The following SLC2A13 variants were observed in gnomAD, a reference collection of about 807,000 sequenced individuals.
SLC2A13 encodes the protein solute carrier family 2 member 13.
A neutral mutation model predicts 64.4 loss-of-function variants in SLC2A13; 32 were observed. That is an observed-to-expected ratio of 0.50 (90% CI 0.37 to 0.67). SLC2A13 has a LOEUF of 0.67. Ranked by LOEUF, SLC2A13 falls within the 30% of genes least tolerant of loss-of-function variation. The pLI is 0.00. For synonymous variants in SLC2A13, 338 were observed against 327.1 expected, an observed-to-expected ratio of 1.03 and a Z score of -0.36; for missense variants, 743 against 829.2, an observed-to-expected ratio of 0.90 and a Z score of 1.28.
intron 4 of SLC2A13, among the ~76,000 whole-genome samples, chr12:39,899,837 T>A (rs1335423415): frequency 6.6e-6 from 1 of 152,174 alleles, no homozygotes; most frequent in Non-Finnish European, 1.5e-5. Flanking sequence ...TGCACTGTGG[T>A]CTGAGAGACA....
intron 3 of SLC2A13, among the ~76,000 whole-genome samples, chr12:40,011,982 A>G (rs1749540768): frequency 6.6e-6 from 1 of 152,198 alleles, no homozygotes; most frequent in Non-Finnish European, 1.5e-5. Flanking sequence ...TAGGCAGAGC[A>G]GGAGTTACAA....
rs1295484803 is a variant in SLC2A13 at position 39,896,021 on chromosome 12, T to C, written c.1035-24060A>G. On this transcript the variant is annotated intron_variant, in intron 4 of 9. Coordinates refer to ENST00000280871, the MANE Select transcript of SLC2A13 (RefSeq NM_052885.4). ...GTGTATATATACATGTGTATATGTA[T>C]ACATACATGCATATGTTTATATACG... Among the ~76,000 whole-genome samples the C allele has an allele frequency of 4.1e-5, 6 of 144,708 alleles. No homozygotes were observed. In the East Asian group the frequency reaches 1.1e-3, roughly 26 times the overall value. 94.9% of individuals were successfully genotyped at this position (144,708 alleles called of 152,430 possible).
chr12:39,812,607 G>C (rs936477112), intron 7 of SLC2A13, among the ~76,000 whole-genome samples: 8 of 151,884 alleles, frequency 5.3e-5, no homozygotes, highest in African/African-American at 1.9e-4. Context: ...TGAGTAGCTA[G>C]GACTACAGGC....
chr12:40,007,494 A>G (rs930679465), intron 3 of SLC2A13, among the ~76,000 whole-genome samples: 1 of 94,108 alleles, frequency 1.1e-5, no homozygotes, highest in African/African-American at 4.7e-5. Flanking sequence ...AACAACTTTA[A>G]AACTTTTTTT....
chr12:40,019,163 A>C (rs1947670662), intron 3 of SLC2A13, among the ~76,000 whole-genome samples: 1 of 152,154 alleles, frequency 6.6e-6, no homozygotes, highest in South Asian at 2.1e-4. Flanking sequence ...TGGCAGCAAG[A>C]ACCGAGAAGA....
At chr12:39,980,028 T>G (rs894559425) in intron 3 of SLC2A13, among the ~76,000 whole-genome samples, 1 of 151,610 alleles carries the variant, frequency 6.6e-6, no homozygotes, top group East Asian at 1.9e-4. Flanking sequence ...TCAACATTCT[T>G]AAAGAAAAGA....
chr12:39,858,207 G>T (rs578104802), intron 6 of SLC2A13, among the ~76,000 whole-genome samples: 1 of 152,284 alleles, frequency 6.6e-6, no homozygotes, highest in South Asian at 2.1e-4. Context: ...AAAGATATGT[G>T]CAGTTATTTG....
At chr12:39,920,061 C>A (rs1262771776) in intron 4 of SLC2A13, among the ~76,000 whole-genome samples, 1 of 151,962 alleles carries the variant, frequency 6.6e-6, no homozygotes, top group Non-Finnish European at 1.5e-5. Context: ...AGTAATCCTG[C>A]CTGGCCTGTG....
intron 6 of SLC2A13, among the ~76,000 whole-genome samples, chr12:39,854,905 A>G (rs768814446): frequency 1.2e-4 from 18 of 152,214 alleles, no homozygotes; most frequent in Non-Finnish European, 1.8e-4. Context: ...CCAACTCACC[A>G]TTGAAAAATC....
In SLC2A13 at chr12:39,981,388, C is replaced by T. The variant is rs374883208; in HGVS notation, c.926-30023G>A. 2.4e-3 allele frequency among the ~76,000 whole-genome samples: 364 copies of T among 151,998 alleles called. 4 individuals are homozygous for T. The highest frequency in any genetic ancestry group is 0.019 in the Admixed American group (289 of 15,266). ...TTCAAAAAATCAATGAATCCAGGAG[C>T]TGGTTTTTTGAAAGGATCAACAAAA... On this transcript the variant is annotated intron_variant, in intron 3 of 9. Transcript: ENST00000280871.
chr12:39,789,521 A>G lies in SLC2A13; in HGVS notation c.1446-24663T>C, dbSNP rs534563590. Among the ~76,000 whole-genome samples the G allele has an allele frequency of 1.1e-3, 172 of 152,294 alleles. 2 individuals carry two copies. The highest frequency in any genetic ancestry group is 3.8e-3 in the African/African-American group (158 of 41,580). On this transcript the variant is annotated intron_variant, in intron 7 of 9. Transcript: ENST00000280871. ...ATGCACATATTTTTAACATATCTCC[A>G]GGTACATGTGTGCAAGGGTTTCTCT...
At chr12:39,889,529 CTTTT>C (rs56189217) in intron 4 of SLC2A13, among the ~76,000 whole-genome samples, 9,292 of 119,398 alleles carry the variant, frequency 0.078, 263 homozygotes, top group Admixed American at 0.14. Flanking sequence ...GGTAAACAAC[CTTTT>C]TTTTTTTTTT....
intron 6 of SLC2A13, among the ~76,000 whole-genome samples, chr12:39,836,508 G>A (rs1350410846): frequency 2.6e-5 from 4 of 151,844 alleles, no homozygotes; most frequent in South Asian, 2.1e-4. Context: ...GCAGGAGAAG[G>A]AAATAAAGGG....
At chr12:39,896,083 C>CATAT (rs145743460) in intron 4 of SLC2A13, among the ~76,000 whole-genome samples, 1 of 145,094 alleles carries the variant, frequency 6.9e-6, no homozygotes, top group African/African-American at 2.5e-5. Flanking sequence ...TACACGTGTA[C>CATAT]ATATATGTAT....
At chr12:40,049,143 T>C (rs1006815447) in intron 1 of SLC2A13, among the ~76,000 whole-genome samples, 2 of 152,010 alleles carry the variant, frequency 1.3e-5, no homozygotes, top group African/African-American at 4.8e-5. Context: ...CCTGTTATAG[T>C]ATTCAGCCTT....
intron 6 of SLC2A13, among the ~76,000 whole-genome samples, chr12:39,856,555 G>A (rs979770762): frequency 3.3e-5 from 5 of 152,058 alleles, no homozygotes; most frequent in African/African-American, 2.4e-5. Context: ...TTTTAGTAGA[G>A]ATGGGGTTTC....
At chr12:39,875,222 T>C (rs1170330476) in intron 4 of SLC2A13, among the ~76,000 whole-genome samples, 1 of 152,220 alleles carries the variant, frequency 6.6e-6, no homozygotes, top group African/African-American at 2.4e-5. Context: ...TGTCCCTTCC[T>C]GGAAGCTCCA....
At chr12:40,003,423 T>C (rs1387206258) in intron 3 of SLC2A13, among the ~76,000 whole-genome samples, 1 of 152,036 alleles carries the variant, frequency 6.6e-6, no homozygotes, top group African/African-American at 2.4e-5. Context: ...AAAAAGTGAG[T>C]GGGCGCTGAT....
Position 39,758,102 on chromosome 12 carries a change from G to GA in SLC2A13, c.*1923dup, listed in dbSNP as rs1324474650. The GA allele has an allele frequency of 4.0e-5, 6 of 151,306 alleles. No homozygotes were observed. The allele number at this position is 151,306 out of a possible 1,614,324, so 9.4% of individuals were successfully genotyped here. On this transcript the variant is annotated 3_prime_UTR_variant, in exon 10 of 10. Coordinates refer to ENST00000280871, the MANE Select transcript of SLC2A13 (RefSeq NM_052885.4). ...ATTAAATCATATCTGCTTTTCTGAG[G>GA]AAAAAATCAATACTAATATTCCCTT...
Sources: gnomAD v4.1 joint callset for allele counts (sites outside exome capture counted in the v4.1 genomes callset) on GRCh38, gnomAD v4.1.1 for gene constraint, MANE v1.5 for transcripts, NCBI Gene and HGNC (gene_info 2026-07-23, HGNC 2026-07-21) for gene names.